The following TRDN variants were observed in gnomAD, a reference collection of about 807,000 sequenced individuals.
TRDN encodes the protein triadin in skeletal muscle.
In TRDN, 161 loss-of-function variants were observed where a neutral mutation model predicts 149.7. The observed-to-expected ratio is 1.08, with a 90% CI of 0.95 to 1.23. The LOEUF (loss-of-function observed/expected upper bound fraction) is 1.23, where lower values mean the gene tolerates loss of function less well. TRDN is among the 50% of genes most tolerant of loss of function. The pLI, the probability that TRDN is intolerant of heterozygous loss-of-function variation, is 0.00. For missense variants in TRDN, 896 were observed against 823.5 expected, an observed-to-expected ratio of 1.09 and a Z score of -1.08; for synonymous variants, 294 against 250.5, an observed-to-expected ratio of 1.17 and a Z score of -1.64.
At chr6:123,248,667 C>T (rs1013377642) in intron 38 of TRDN, among the ~76,000 whole-genome samples, 4 of 151,900 alleles carry the variant, frequency 2.6e-5, no homozygotes, top group African/African-American at 7.3e-5. Context: ...TCACCAAGAT[C>T]GAATCAAGAA....
At chr6:123,548,366 C>T (rs1205056820) in intron 3 of TRDN, 88 bp downstream of exon 3, 15 of 1,123,898 alleles carry the variant, frequency 1.3e-5, no homozygotes, top group Non-Finnish European at 1.7e-5. Context: ...GACCCAAGTG[C>T]TCATTTGAAT....
chr6:123,307,247 T>C (rs75937738), intron 24 of TRDN, among the ~76,000 whole-genome samples: 9,489 of 152,056 alleles, frequency 0.062, 994 homozygotes, highest in African/African-American at 0.22. Flanking sequence ...TTTTCATTAT[T>C]CCCACAAAAC....
chr6:123,273,044 T>C (rs1777256255), intron 28 of TRDN, 33 bp from the exon 29 acceptor site: 3 of 1,412,850 alleles, frequency 2.1e-6, no homozygotes, highest in South Asian at 2.9e-5. Context: ...CTTTTTTAGG[T>C]ATTTAGAAGC....
chr6:123,308,478 T>C (rs752121269), intron 24 of TRDN, among the ~76,000 whole-genome samples: 1 of 151,956 alleles, frequency 6.6e-6, no homozygotes, highest in Non-Finnish European at 1.5e-5. Context: ...TACATTCCCA[T>C]CAACAATATA....
At chr6:123,299,715 A>G (rs1164852919) in intron 24 of TRDN, among the ~76,000 whole-genome samples, 1 of 152,046 alleles carries the variant, frequency 6.6e-6, no homozygotes, top group Non-Finnish European at 1.5e-5. Context: ...CTATTATATT[A>G]ATCCACTAAA....
intron 7 of TRDN, among the ~76,000 whole-genome samples, chr6:123,511,062 A>G (rs1717670504): frequency 6.6e-6 from 1 of 152,176 alleles, no homozygotes; most frequent in African/African-American, 2.4e-5. Context: ...GTCCATACCA[A>G]TGTCCTAAAG....
chr6:123,378,749 T>G (rs1438565402), intron 16 of TRDN, among the ~76,000 whole-genome samples: 1 of 152,194 alleles, frequency 6.6e-6, no homozygotes, highest in East Asian at 1.9e-4. Flanking sequence ...GTGAGGCATA[T>G]TTAAGACACT....
At chr6:123,265,761 TTAA>T in intron 32 of TRDN, among the ~76,000 whole-genome samples, 1 of 147,612 alleles carries the variant, frequency 6.8e-6, no homozygotes, top group Non-Finnish European at 1.5e-5. Flanking sequence ...ATATTAATTA[TTAA>T]TATTAATTTA....
At chr6:123,531,932 T>A (rs1780272300) in intron 4 of TRDN, among the ~76,000 whole-genome samples, 1 of 152,038 alleles carries the variant, frequency 6.6e-6, no homozygotes, top group African/African-American at 2.4e-5. Flanking sequence ...TAGATGCCAG[T>A]AGCCCCCATA....
At chr6:123,227,690 C>T (rs573198364) in intron 38 of TRDN, among the ~76,000 whole-genome samples, 41 of 151,924 alleles carry the variant, frequency 2.7e-4, no homozygotes, top group African/African-American at 9.6e-4. Context: ...CACGTTTGAT[C>T]CTGAACAACA....
At chr6:123,613,243 T>G (rs1384809484) in intron 1 of TRDN, among the ~76,000 whole-genome samples, 1 of 152,190 alleles carries the variant, frequency 6.6e-6, no homozygotes, top group African/African-American at 2.4e-5. Flanking sequence ...TGCCAAACTT[T>G]CCATGAGCAA....
intron 9 of TRDN, among the ~76,000 whole-genome samples, chr6:123,492,607 A>G (rs1778269856): frequency 1.3e-5 from 2 of 152,162 alleles, no homozygotes; most frequent in Non-Finnish European, 2.9e-5. Flanking sequence ...GAATAAAATT[A>G]TCAGTATAGC....
At chr6:123,587,383 T>C (rs576782444) in intron 1 of TRDN, among the ~76,000 whole-genome samples, 8 of 151,982 alleles carry the variant, frequency 5.3e-5, no homozygotes, top group East Asian at 3.9e-4. Flanking sequence ...AAGGAAGAGA[T>C]TGAAGAGTGG....
chr6:123,580,622 C>T (rs1308733957), intron 1 of TRDN, among the ~76,000 whole-genome samples: 1 of 152,146 alleles, frequency 6.6e-6, no homozygotes, highest in Non-Finnish European at 1.5e-5. Context: ...TGACAGAAAA[C>T]CATGATTATT....
chr6:123,236,624 G>C (rs1278894434), intron 38 of TRDN, among the ~76,000 whole-genome samples: 1 of 152,080 alleles, frequency 6.6e-6, no homozygotes, highest in African/African-American at 2.4e-5. Context: ...CACTATGTGA[G>C]GTTAAGATAG....
chr6:123,598,230 A>G (rs868769301), intron 1 of TRDN, among the ~76,000 whole-genome samples: 7 of 152,102 alleles, frequency 4.6e-5, no homozygotes, highest in Non-Finnish European at 8.8e-5. Flanking sequence ...GAAAGCATGT[A>G]ATATTCAAGG....
chr6:123,590,452 A>G (rs1217509959), intron 1 of TRDN, among the ~76,000 whole-genome samples: 2 of 152,130 alleles, frequency 1.3e-5, no homozygotes, highest in Admixed American at 1.3e-4. Context: ...TTATTTTATT[A>G]TATATTACAA....
intron 24 of TRDN, among the ~76,000 whole-genome samples, chr6:123,298,973 G>A (rs1393784804): frequency 1.3e-5 from 2 of 152,000 alleles, no homozygotes; most frequent in African/African-American, 4.8e-5. Context: ...AGAAAATTAT[G>A]CCATGTTTAG....
At chr6:123,619,826 T>A (rs1375253538) in intron 1 of TRDN, among the ~76,000 whole-genome samples, 1 of 151,860 alleles carries the variant, frequency 6.6e-6, no homozygotes, top group Non-Finnish European at 1.5e-5. Flanking sequence ...ATACAAGAAA[T>A]GAGGACTCCA....
Sources: gnomAD v4.1 joint callset for allele counts (sites outside exome capture counted in the v4.1 genomes callset) on GRCh38, gnomAD v4.1.1 for gene constraint, MANE v1.5 for transcripts, NCBI Gene and HGNC (gene_info 2026-07-23, HGNC 2026-07-21) for gene names.